The following PDZD8 variants were observed in gnomAD, a reference collection of about 807,000 sequenced individuals.
PDZD8 encodes PDZ domain containing 8.
PDZD8 carries 14 observed loss-of-function variants against 85.8 expected under a neutral mutation model. The observed-to-expected ratio is 0.16, with a 90% CI of 0.11 to 0.26. The LOEUF is 0.26. Among genes scored for constraint, PDZD8 ranks in the 10% least tolerant of loss-of-function variants. PDZD8 has a pLI of 1.00. For missense variants in PDZD8, 1,197 were observed against 1,424.3 expected, an observed-to-expected ratio of 0.84 and a Z score of 2.57; for synonymous variants, 592 against 568.6, an observed-to-expected ratio of 1.04 and a Z score of -0.59.
intron 1 of PDZD8, among the ~76,000 whole-genome samples, chr10:117,356,795 G>A (rs187388366): frequency 5.7e-4 from 87 of 152,212 alleles, no homozygotes; most frequent in African/African-American, 1.9e-3. Context: ...TTATAAGTCC[G>A]GGGTAATTAC....
chr10:117,323,807 T>C (rs1844267995), intron 2 of PDZD8, among the ~76,000 whole-genome samples: 1 of 152,180 alleles, frequency 6.6e-6, no homozygotes, highest in South Asian at 2.1e-4. Flanking sequence ...CCATTTGCAC[T>C]ATGTGGTCTA....
chr10:117,324,275 C>T (rs1186252496), intron 2 of PDZD8, among the ~76,000 whole-genome samples: 1 of 144,974 alleles, frequency 6.9e-6, no homozygotes, highest in Non-Finnish European at 1.5e-5. Flanking sequence ...GTAATCATAG[C>T]AGAACATTTC....
chr10:117,375,102 G>C lies in PDZD8; in HGVS notation c.126C>G (p.Gly42=). The change falls in exon 1 of 5, where the codon GGC becomes GGG. Residue 42 remains glycine (G), a synonymous_variant. Coordinates refer to ENST00000334464, the MANE Select transcript of PDZD8 (RefSeq NM_173791.5). ...CTGGCTTGATGTAGCGGAAGCCCTCGCCCGCGCGGGCGGCCTCGTCCGCCG... is the reference window on the plus strand; with the variant it reads ...CTGGCTTGATGTAGCGGAAGCCCTCCCCCGCGCGGGCGGCCTCGTCCGCCG... ...EPPADEAARA[G]EGFRYIKPVP... is the part of the protein sequence containing the mutation. The C allele has an allele frequency of 1.3e-6, 2 of 1,595,330 alleles. No individual in the cohort carries two copies. The highest frequency in any genetic ancestry group is 1.7e-6 in the Non-Finnish European group (2 of 1,175,894).
Position 117,370,626 on chromosome 10 carries a change from G to A in PDZD8, c.872+3730C>T, listed in dbSNP as rs138160975. 1.2e-3 allele frequency among the ~76,000 whole-genome samples: 189 copies of A among 152,256 alleles called. 1 individual carries two copies. The highest frequency in any genetic ancestry group is 4.2e-3 in the African/African-American group (176 of 41,542). Reference sequence around the variant, plus strand: ...GGAGGCCGAGGTGGGTAGACTGCCTGAAGTCAGGAGTTCGAAACCAGCCTG... The same window carrying A: ...GGAGGCCGAGGTGGGTAGACTGCCTAAAGTCAGGAGTTCGAAACCAGCCTG... On this transcript the variant is annotated intron_variant, in intron 1 of 4. Coordinates refer to ENST00000334464, the MANE Select transcript of PDZD8 (RefSeq NM_173791.5).
chr10:117,284,769 T>C lies in PDZD8; in HGVS notation c.1964A>G (p.Gln655Arg), dbSNP rs1253111887. 12 of 1,614,260 alleles carry C rather than the reference T, an allele frequency of 7.4e-6. No homozygotes were observed. The highest frequency in any genetic ancestry group is 9.3e-6 in the Non-Finnish European group (11 of 1,180,038). The change falls in exon 5 of 5, where the codon CAA (glutamine) becomes CGA (arginine). Residue 655 changes from glutamine (Q) to arginine (R), a missense_variant. By Grantham distance (43) the Gln-to-Arg change is conservative. This residue lies in a region of PDZD8 where 263 missense variants were observed against 261.9 expected (regional missense o/e 1.00). Coordinates refer to ENST00000334464, the MANE Select transcript of PDZD8 (RefSeq NM_173791.5). ...TGAAGTGACATCTTTGGCCACTTCT[T>C]GCTTTGCTAAAAATTGCTTAGGTGC... ...AAAPKQFLAK[Q>R]EVAKDVTSET...
chr10:117,300,605 T>C lies in PDZD8; in HGVS notation c.1099-10257A>G, dbSNP rs200840226. On this transcript the variant is annotated intron_variant, in intron 3 of 4. Transcript: ENST00000334464. ...CATGCTACAGATCTTCCAAAGGCGA[T>C]TGCTATGAACTAAATATATGTGTTC... Among the ~76,000 whole-genome samples the C allele has an allele frequency of 8.5e-5, 13 of 152,288 alleles. No individual in the cohort carries two copies. In the East Asian group the frequency reaches 1.7e-3, roughly 20 times the overall value.
At chr10:117,370,265 G>T (rs953193315) in intron 1 of PDZD8, among the ~76,000 whole-genome samples, 6 of 152,120 alleles carry the variant, frequency 3.9e-5, no homozygotes, top group African/African-American at 1.4e-4. Context: ...TTGTAAGTTT[G>T]TTAACTTGGG....
rs200311047 is a variant in PDZD8, at chr10:117,284,668, T to C, written c.2065A>G (p.Lys689Glu). ...WESSEILYRN[K>E]LGKWTRTRAS... ...CTGGTTCTTGTCCATTTTCCTAGCT[T>C]ATTACGATAAAGAATTTCTGATGAT... Residue 689 changes from lysine to glutamate, a missense_variant, in exon 5 of 5, where the codon AAG becomes GAG. This residue lies in a region of PDZD8 where 418 missense variants were observed against 571.1 expected (regional missense o/e 0.73). Transcript: ENST00000334464. 6.2e-7 allele frequency: 1 copy of C among 1,614,162 alleles called. No individual in the cohort carries two copies. The highest frequency in any genetic ancestry group is 8.5e-7 in the Non-Finnish European group (1 of 1,180,016).
chr10:117,289,758 T>C (rs769549044), intron 4 of PDZD8, among the ~76,000 whole-genome samples: 4 of 152,326 alleles, frequency 2.6e-5, no homozygotes, highest in Non-Finnish European at 5.9e-5. Flanking sequence ...TTGGTTCTTC[T>C]GCTCATCATC....
chr10:117,321,774 G>T (rs964617812), intron 2 of PDZD8, among the ~76,000 whole-genome samples: 1 of 151,758 alleles, frequency 6.6e-6, no homozygotes, highest in Non-Finnish European at 1.5e-5. Context: ...ATAAATGATT[G>T]GTTTATTATG....
intron 2 of PDZD8, among the ~76,000 whole-genome samples, chr10:117,325,125 C>A (rs1402854215): frequency 6.6e-6 from 1 of 152,048 alleles, no homozygotes; most frequent in Non-Finnish European, 1.5e-5. Flanking sequence ...ACCTCTGTCA[C>A]CCCTCTCCCC....
intron 1 of PDZD8, among the ~76,000 whole-genome samples, chr10:117,370,735 A>G (rs531169356): frequency 6.6e-6 from 1 of 152,254 alleles, no homozygotes; most frequent in South Asian, 2.1e-4. Context: ...GACAGTACCC[A>G]AAGATTTAGC....
intron 3 of PDZD8, among the ~76,000 whole-genome samples, chr10:117,313,769 A>G (rs1844078092): frequency 6.6e-6 from 1 of 152,142 alleles, no homozygotes; most frequent in Non-Finnish European, 1.5e-5. Flanking sequence ...CCTTTACACT[A>G]AGTCTTTCCT....
intron 3 of PDZD8, among the ~76,000 whole-genome samples, chr10:117,303,275 T>C (rs971812883): frequency 2.0e-5 from 3 of 152,188 alleles, no homozygotes; most frequent in Non-Finnish European, 4.4e-5. Context: ...CTTGTTATAT[T>C]TTAGCAAAGA....
chr10:117,319,278 C>T (rs1055624313), intron 2 of PDZD8, among the ~76,000 whole-genome samples: 4 of 151,918 alleles, frequency 2.6e-5, no homozygotes, highest in African/African-American at 9.7e-5. Flanking sequence ...AAGAGCTATA[C>T]ATCTTCAAAA....
In PDZD8 at chr10:117,284,973, A is replaced by G. The variant is rs927738034; in HGVS notation, c.1760T>C (p.Phe587Ser). 1.9e-6 allele frequency: 3 copies of G among 1,613,964 alleles called. No homozygotes were observed. In the African/African-American group the frequency reaches 4.0e-5, roughly 22 times the overall value. Reference protein sequence around the residue: ...QVSKPTQGSAFKPPVPPRPQA... With the variant: ...QVSKPTQGSASKPPVPPRPQA... Reference sequence around the variant, plus strand: ...TGGTCGTGGTGGCACAGGTGGTTTGAAAGCAGATCCTTGGGTTGGTTTTGA... The same window carrying G: ...TGGTCGTGGTGGCACAGGTGGTTTGGAAGCAGATCCTTGGGTTGGTTTTGA... Residue 587 changes from phenylalanine to serine, a missense_variant, in exon 5 of 5, where the codon TTC becomes TCC. Phe to Ser is a radical substitution (Grantham distance 155, BLOSUM62 -2). Coordinates refer to ENST00000334464, the MANE Select transcript of PDZD8 (RefSeq NM_173791.5).
chr10:117,290,030 A>C (rs926015933), intron 4 of PDZD8, among the ~76,000 whole-genome samples, 156 bp downstream of exon 4: 5 of 152,222 alleles, frequency 3.3e-5, no homozygotes, highest in African/African-American at 9.6e-5. Context: ...GCCTCCTTTG[A>C]ATTTTTATTT....
intron 3 of PDZD8, among the ~76,000 whole-genome samples, chr10:117,303,945 T>C (rs1335081560): frequency 6.6e-6 from 1 of 152,208 alleles, no homozygotes; most frequent in Non-Finnish European, 1.5e-5. Flanking sequence ...TAGGGCAGTG[T>C]CAAAGGGAAA....
chr10:117,367,587 T>C (rs543491794), intron 1 of PDZD8, among the ~76,000 whole-genome samples: 1 of 152,220 alleles, frequency 6.6e-6, no homozygotes, highest in Non-Finnish European at 1.5e-5. Flanking sequence ...GGAAATCCAA[T>C]GTGCAAGAAG....
Sources: allele counts gnomAD v4.1 joint callset (sites outside exome capture counted in the v4.1 genomes callset), GRCh38; gene constraint gnomAD v4.1.1; regional missense constraint gnomAD v4.1.1; transcripts MANE v1.5; gene names NCBI Gene and HGNC (gene_info 2026-07-23, HGNC 2026-07-21).